The following DNAH6 variants were observed in gnomAD, a reference collection of about 807,000 sequenced individuals.
The protein encoded by DNAH6 is dynein axonemal heavy chain 6.
DNAH6 carries 340 observed loss-of-function variants against 491.4 expected under a neutral mutation model. That is an observed-to-expected ratio of 0.69 (90% CI 0.63 to 0.76). DNAH6 has a LOEUF of 0.76. Among genes scored for constraint, DNAH6 ranks in the 30% least tolerant of loss-of-function variants. The pLI is 0.00. For missense variants in DNAH6, 4,443 were observed against 4,972.2 expected (o/e 0.89, Z 3.20); for synonymous variants, 1,603 against 1,686.1 (o/e 0.95, Z 1.21).
chr2:84,593,251 T>C (rs1684276444), intron 16 of DNAH6, among the ~76,000 whole-genome samples: 1 of 152,196 alleles, frequency 6.6e-6, no homozygotes, highest in African/African-American at 2.4e-5. Context: ...TCTGTGGCTC[T>C]CAATTATTTG....
At chr2:84,462,014 A>G in the DNAH6 span, among the ~76,000 whole-genome samples, 1 of 152,242 alleles carries the variant, frequency 6.6e-6, no homozygotes, top group Non-Finnish European at 1.5e-5. Context: ...CATCAAGCCA[A>G]GAGAAAAGTC....
intron 33 of DNAH6, among the ~76,000 whole-genome samples, chr2:84,650,208 C>G (rs747452823): frequency 6.6e-6 from 1 of 152,124 alleles, no homozygotes; most frequent in Non-Finnish European, 1.5e-5. Flanking sequence ...GTGACATTTT[C>G]AGTCATTATT....
At chr2:84,673,970 G>T (rs1013953314) in intron 40 of DNAH6, among the ~76,000 whole-genome samples, 1 of 152,146 alleles carries the variant, frequency 6.6e-6, no homozygotes, top group Non-Finnish European at 1.5e-5. Context: ...TCACAGGTGG[G>T]GTATAGAGTC....
At chr2:84,598,127 T>TTTTCTTTCTTTC (rs56356355) in intron 18 of DNAH6, among the ~76,000 whole-genome samples, 23,093 of 108,890 alleles carry the variant, frequency 0.21, 3,204 homozygotes, top group Middle Eastern at 0.25. Flanking sequence ...TCTATCTTTC[T>TTTTCTTTCTTTC]TTTCTTTCTT....
At chr2:84,776,518 A>G (rs1676138729) in intron 64 of DNAH6, among the ~76,000 whole-genome samples, 1 of 152,228 alleles carries the variant, frequency 6.6e-6, no homozygotes, top group Admixed American at 6.5e-5. Flanking sequence ...CTAAAATCCT[A>G]TTGTAGCCTA....
chr2:84,813,739 C>T (rs904061823), intron 74 of DNAH6, among the ~76,000 whole-genome samples: 3 of 152,188 alleles, frequency 2.0e-5, no homozygotes, highest in Admixed American at 1.3e-4. Flanking sequence ...GGCCTTCCCT[C>T]CCTTCCCAGC....
intron 22 of DNAH6, among the ~76,000 whole-genome samples, chr2:84,613,712 A>G (rs571330442): frequency 5.9e-5 from 9 of 152,198 alleles, no homozygotes; most frequent in Middle Eastern, 3.4e-3. Context: ...GGAGAAGGCA[A>G]CTGCTTGGCT....
At chr2:84,697,798 T>C (rs548892893) in intron 47 of DNAH6, 71 bp downstream of exon 47, 5 of 1,509,282 alleles carry the variant, frequency 3.3e-6, no homozygotes, top group African/African-American at 1.4e-5. Flanking sequence ...TAACCATTCA[T>C]TGATTGCCTG....
At chr2:84,545,063 A>T (rs901137180) in intron 5 of DNAH6, among the ~76,000 whole-genome samples, 1 of 152,172 alleles carries the variant, frequency 6.6e-6, no homozygotes, top group African/African-American at 2.4e-5. Context: ...TTCAACTTGC[A>T]TTGGAAGTTT....
chr2:84,675,680 G>A (rs147409914), intron 40 of DNAH6, among the ~76,000 whole-genome samples: 96 of 152,100 alleles, frequency 6.3e-4, no homozygotes, highest in African/African-American at 2.1e-3. Context: ...TTATTTTGAG[G>A]TAGGGTCTCA....
Position 84,557,522 on chromosome 2 carries a change from C to T in DNAH6, c.1603-213C>T, listed in dbSNP as rs1180394783. ...AAAATTAGCTGGGCGCGGTGGCGGG[C>T]GCCTGTAGTCCCAGCTACTCGGGAG... is the stretch of plus-strand genomic sequence containing the variant. On this transcript the variant is annotated intron_variant, in intron 10 of 76. Coordinates refer to ENST00000389394, the MANE Select transcript of DNAH6 (RefSeq NM_001370.2). Among the ~76,000 whole-genome samples, 8 of 150,540 alleles carry T rather than the reference C, an allele frequency of 5.3e-5. No homozygotes were observed. The South Asian group carries it at 1.0e-3, about 20-fold the overall frequency.
intron 4 of DNAH6, among the ~76,000 whole-genome samples, chr2:84,538,344 A>G (rs1035173193): frequency 1.3e-5 from 2 of 152,104 alleles, no homozygotes; most frequent in South Asian, 2.1e-4. Flanking sequence ...TTTCTATTTG[A>G]TATTGTTTTG....
intron 64 of DNAH6, among the ~76,000 whole-genome samples, chr2:84,777,063 G>A (rs1185956427): frequency 6.6e-6 from 1 of 152,162 alleles, no homozygotes; most frequent in Non-Finnish European, 1.5e-5. Flanking sequence ...CTTGAACACA[G>A]GAAGGGAAAC....
intron 5 of DNAH6, among the ~76,000 whole-genome samples, chr2:84,545,382 C>T (rs1484939455): frequency 6.6e-6 from 1 of 152,132 alleles, no homozygotes; most frequent in African/African-American, 2.4e-5. Context: ...TGACATGAAA[C>T]TCAAATTTCA....
chr2:84,699,623 T>C lies in DNAH6; in HGVS notation c.7707T>C (p.Arg2569=), dbSNP rs113665519. The C allele has an allele frequency of 1.2e-3, 1,851 of 1,551,634 alleles. 1 individual carries two copies. Among genetic ancestry groups the C allele is most frequent in the Non-Finnish European group, 1.5e-3 (1,698 of 1,146,932 alleles). The change falls in exon 48 of 77, where the codon CGT becomes CGC. Residue 2569 remains arginine, a synonymous_variant. Coordinates refer to ENST00000389394, the MANE Select transcript of DNAH6 (RefSeq NM_001370.2). ...TTCAATACTTTATCAGCAAAGTGCG[T>C]CAGAAGCTGCACATTGTTCTCTGCA... ...EVFQYFISKV[R]QKLHIVLCMS... is the part of the protein sequence containing the mutation.
chr2:84,750,898 T>C (rs963059690), intron 63 of DNAH6: 1 of 152,242 alleles, frequency 6.6e-6, no homozygotes, highest in African/African-American at 2.4e-5. Flanking sequence ...CAGGTTATGA[T>C]ACCAAACAGT....
chr2:84,625,559 G>T (rs1489559540), intron 29 of DNAH6, among the ~76,000 whole-genome samples: 1 of 151,900 alleles, frequency 6.6e-6, no homozygotes, highest in Non-Finnish European at 1.5e-5. Flanking sequence ...TGTTCATATG[G>T]GTTACGTATG....
At position 84,552,921 on chromosome 2, in the gene DNAH6, A is replaced by G. The variant is rs1463899013; in HGVS notation, c.1489A>G (p.Thr497Ala). The G allele has an allele frequency of 6.3e-7, 1 of 1,596,172 alleles. No homozygotes were observed. The highest frequency in any genetic ancestry group is 1.7e-5 in the Admixed American group (1 of 58,968). The change falls in exon 10 of 77, where the codon ACC becomes GCC. Residue 497 changes from threonine to alanine, a missense_variant. Physicochemically the swap from Thr to Ala is moderately conservative, Grantham distance 58. Around this residue, in one of 3 missense-constraint regions of DNAH6, gnomAD observed 2,977 missense variants for 3,296.6 expected, o/e 0.90. Coordinates refer to ENST00000389394, the MANE Select transcript of DNAH6 (RefSeq NM_001370.2). Reference sequence around the variant, plus strand: ...ACTGTACATATATTCATTTCAGGGGACCCTTATGGTGGAAAAGCAAGAAGA... The same window carrying G: ...ACTGTACATATATTCATTTCAGGGGGCCCTTATGGTGGAAAAGCAAGAAGA... ...EKPEVPDKKGTLMVEKQEEDE... is the reference protein window; with the variant it reads ...EKPEVPDKKGALMVEKQEEDE...
At chr2:84,594,537 C>G (rs760506728) in intron 17 of DNAH6, among the ~76,000 whole-genome samples, 1 of 152,102 alleles carries the variant, frequency 6.6e-6, no homozygotes, top group Non-Finnish European at 1.5e-5. Context: ...CAATAGTAAA[C>G]TTTTTAAATT....
Sources: gnomAD v4.1 joint callset for allele counts (sites outside exome capture counted in the v4.1 genomes callset) on GRCh38, gnomAD v4.1.1 for gene constraint, gnomAD v4.1.1 regional missense constraint, MANE v1.5 for transcripts, NCBI Gene and HGNC (gene_info 2026-07-23, HGNC 2026-07-21) for gene names.